BTG4: variants seen among roughly 807,000 people sequenced by gnomAD.
The protein encoded by BTG4 is protein BTG4.
A neutral mutation model predicts 19.3 loss-of-function variants in BTG4; 10 were observed. The observed-to-expected ratio is 0.52, with a 90% confidence interval of 0.32 to 0.88. BTG4 has a LOEUF of 0.88. Among genes scored for constraint, BTG4 ranks in the 40% least tolerant of loss-of-function variants. The pLI is 0.04. For missense variants in BTG4, 238 were observed against 281.9 expected, an observed-to-expected ratio of 0.84 and a Z score of 1.11; for synonymous variants, 91 against 95.7, an observed-to-expected ratio of 0.95 and a Z score of 0.29.
At chr11:111,465,944 T>C (rs1245696956), downstream of BTG4, among the ~76,000 whole-genome samples, 1 of 152,206 alleles carries the variant, frequency 6.6e-6, no homozygotes, top group East Asian at 1.9e-4. Flanking sequence ...AATCTCATTA[T>C]TAATTCCTCC....
downstream of BTG4, among the ~76,000 whole-genome samples, chr11:111,492,746 T>C (rs1430535216): frequency 2.0e-5 from 3 of 152,188 alleles, no homozygotes; most frequent in South Asian, 4.1e-4. Flanking sequence ...AACATATGAC[T>C]GTAAACTGGA....
intron 5 of BTG4, among the ~76,000 whole-genome samples, chr11:111,485,915 A>G (rs967000104): frequency 6.6e-6 from 1 of 152,186 alleles, no homozygotes; most frequent in Non-Finnish European, 1.5e-5. Flanking sequence ...CAAACAAATA[A>G]AACCAGAGAT....
chr11:111,482,927 C>A (rs550272929), intron 5 of BTG4, among the ~76,000 whole-genome samples: 1 of 151,580 alleles, frequency 6.6e-6, no homozygotes, highest in Non-Finnish European at 1.5e-5. Flanking sequence ...TGAATGAATT[C>A]GACTTCATCA....
downstream of BTG4, among the ~76,000 whole-genome samples, chr11:111,490,383 CACA>C (rs1410335351): frequency 6.6e-6 from 1 of 151,904 alleles, no homozygotes; most frequent in African/African-American, 2.4e-5. Flanking sequence ...TGATTTATAA[CACA>C]ACATGTGCCT....
chr11:111,421,196 G>A, the BTG4 span, among the ~76,000 whole-genome samples: 2 of 152,164 alleles, frequency 1.3e-5, no homozygotes, highest in Non-Finnish European at 2.9e-5. Context: ...ATAGGGCCTC[G>A]TAGACTATCT....
chr11:111,428,163 T>C, the BTG4 span, among the ~76,000 whole-genome samples: 1 of 152,302 alleles, frequency 6.6e-6, no homozygotes, highest in East Asian at 1.9e-4. Flanking sequence ...GAGTTAGGCC[T>C]GTCCTGAAAT....
At chr11:111,476,114 C>T (rs1287186144) in intron 5 of BTG4, among the ~76,000 whole-genome samples, 3 of 134,970 alleles carry the variant, frequency 2.2e-5, no homozygotes, top group Non-Finnish European at 4.6e-5. Flanking sequence ...TATCATGCAC[C>T]AAGAGAAGTA....
upstream of BTG4, chr11:111,512,907 A>ACCGTCCGGGAGCTGCAGC (rs1304774702): frequency 2.3e-6 from 1 of 433,822 alleles, no homozygotes; most frequent in South Asian, 1.7e-5. Flanking sequence ...GGCGCTGCGG[A>ACCGTCCGGGAGCTGCAGC]CCGTCCGGGA....
At chr11:111,413,690 A>G in the BTG4 span, among the ~76,000 whole-genome samples, 132 of 152,330 alleles carry the variant, frequency 8.7e-4, 1 homozygote, top group African/African-American at 3.0e-3. Context: ...AATAGCAGAC[A>G]AGCTGCTGCT....
chr11:111,441,407 C>T, the BTG4 span, among the ~76,000 whole-genome samples: 5 of 151,866 alleles, frequency 3.3e-5, no homozygotes, highest in African/African-American at 1.2e-4. Context: ...TCCTTGAGCA[C>T]CAGAGTCAAG....
the BTG4 span, among the ~76,000 whole-genome samples, chr11:111,408,446 C>T: frequency 6.6e-6 from 1 of 152,194 alleles, no homozygotes; most frequent in South Asian, 2.1e-4. Flanking sequence ...AAACCAAGAG[C>T]TTATAGCTAT....
the BTG4 span, chr11:111,401,056 A>G: frequency 1.7e-5 from 1 of 60,446 alleles, no homozygotes. Context: ...TGGAGCATAA[A>G]AAAAAAAAAA....
At chr11:111,426,755 G>A in the BTG4 span, among the ~76,000 whole-genome samples, 8 of 152,216 alleles carry the variant, frequency 5.3e-5, no homozygotes, top group East Asian at 9.6e-4. Flanking sequence ...CCCTTACCAC[G>A]CCCCTGTATC....
intron 1 of BTG4, among the ~76,000 whole-genome samples, chr11:111,507,642 G>A (rs981679780): frequency 5.3e-5 from 8 of 152,250 alleles, no homozygotes; most frequent in East Asian, 3.9e-4. Context: ...ATTCGTAAGC[G>A]TATGAATTTT....
At chr11:111,423,917 G>C in the BTG4 span, among the ~76,000 whole-genome samples, 2 of 152,140 alleles carry the variant, frequency 1.3e-5, no homozygotes, top group Non-Finnish European at 2.9e-5. Context: ...CCTGCCAGAA[G>C]AGGAGGCCGA....
At chr11:111,455,395 C>CAG in the BTG4 span, 2 of 250,232 alleles carry the variant, frequency 8.0e-6, no homozygotes, top group South Asian at 9.8e-5. Flanking sequence ...GCTGCTGAGG[C>CAG]AGCTGCCTGG....
the BTG4 span, among the ~76,000 whole-genome samples, chr11:111,388,780 G>A: frequency 9.2e-5 from 14 of 152,154 alleles, no homozygotes; most frequent in Non-Finnish European, 1.5e-4. Context: ...TTCATATATC[G>A]GGGATGCTGG....
the BTG4 span, among the ~76,000 whole-genome samples, chr11:111,402,553 C>T: frequency 6.6e-6 from 1 of 152,104 alleles, no homozygotes; most frequent in Non-Finnish European, 1.5e-5. Flanking sequence ...ATCCTTGGCA[C>T]CTAGAATAGG....
chr11:111,472,510 A>G (rs149208781), intron 5 of BTG4, among the ~76,000 whole-genome samples: 11 of 152,338 alleles, frequency 7.2e-5, no homozygotes, highest in East Asian at 3.9e-4. Context: ...TGCATGGGAC[A>G]GCTCCCAGAG....
Sources: gnomAD v4.1 joint callset for allele counts (sites outside exome capture counted in the v4.1 genomes callset) on GRCh38, gnomAD v4.1.1 for gene constraint, MANE v1.5 for transcripts, NCBI Gene and HGNC (gene_info 2026-07-23, HGNC 2026-07-21) for gene names.